The following TMEM132D variants were observed in gnomAD, a reference collection of about 807,000 sequenced individuals.
The protein encoded by TMEM132D is transmembrane protein 132D, also known as mature OL transmembrane protein.
Under a neutral mutation model 62.3 loss-of-function variants are expected in TMEM132D, and 21 were observed. The ratio of observed to expected loss-of-function variants is 0.34; its 90% CI spans 0.24 to 0.49. The LOEUF (loss-of-function observed/expected upper bound fraction) is 0.49. TMEM132D is among the 20% of genes least tolerant of loss of function. The probability of loss-of-function intolerance (pLI) is 0.99; values close to 1 mark genes in which losing one functional copy is unlikely to be tolerated. For missense variants in TMEM132D, 1,346 were observed against 1,402.8 expected, an observed-to-expected ratio of 0.96 and a Z score of 0.65; for synonymous variants, 621 against 575.6, an observed-to-expected ratio of 1.08 and a Z score of -1.13.
intron 3 of TMEM132D, among the ~76,000 whole-genome samples, chr12:129,478,483 C>CA (rs1382962246): frequency 6.6e-6 from 1 of 152,134 alleles, no homozygotes; most frequent in African/African-American, 2.4e-5. Context: ...TATGTAGACT[C>CA]AAGGAATAAA....
chr12:129,407,194 G>A (rs757808191), intron 3 of TMEM132D, among the ~76,000 whole-genome samples: 7 of 152,250 alleles, frequency 4.6e-5, no homozygotes, highest in South Asian at 2.1e-4. Flanking sequence ...AATTACAACC[G>A]CAGGCTAATT....
intron 2 of TMEM132D, chr12:129,682,754 G>A (rs112584771): frequency 3.3e-5 from 5 of 151,524 alleles, no homozygotes; most frequent in Middle Eastern, 3.4e-3. Flanking sequence ...AGCTACTCGG[G>A]AGGCTGAGGC....
At chr12:129,552,313 C>A (rs544463626) in intron 2 of TMEM132D, among the ~76,000 whole-genome samples, 7 of 152,194 alleles carry the variant, frequency 4.6e-5, no homozygotes, top group African/African-American at 1.7e-4. Flanking sequence ...ATCATCAATC[C>A]ATTATCTATA....
chr12:129,151,972 G>A (rs1877087084), intron 5 of TMEM132D, among the ~76,000 whole-genome samples: 1 of 151,260 alleles, frequency 6.6e-6, no homozygotes, highest in Non-Finnish European at 1.5e-5. Context: ...CTCCCTCCTG[G>A]GTTCAAACGA....
At chr12:129,465,303 A>G (rs867778964) in intron 3 of TMEM132D, among the ~76,000 whole-genome samples, 1 of 152,202 alleles carries the variant, frequency 6.6e-6, no homozygotes, top group Admixed American at 6.5e-5. Flanking sequence ...ATCTCAAAAT[A>G]ATAAGAGCTA....
chr12:129,778,188 G>GA (rs56064837), intron 1 of TMEM132D, among the ~76,000 whole-genome samples: 33 of 144,964 alleles, frequency 2.3e-4, no homozygotes, highest in East Asian at 8.1e-4. Flanking sequence ...GAAGGAATCA[G>GA]AAAAAAAAAA....
chr12:129,875,776 G>C (rs1037431344), intron 1 of TMEM132D, among the ~76,000 whole-genome samples: 3 of 152,194 alleles, frequency 2.0e-5, no homozygotes, highest in African/African-American at 7.2e-5. Context: ...ATTTTCGAGA[G>C]ACAGCAGAAA....
chr12:129,168,785 T>A (rs1490123529), intron 5 of TMEM132D, among the ~76,000 whole-genome samples: 1 of 152,174 alleles, frequency 6.6e-6, no homozygotes, highest in Non-Finnish European at 1.5e-5. Flanking sequence ...ACCCAAAAGG[T>A]ATCCAGATAT....
chr12:129,822,599 C>T (rs1025270892), intron 1 of TMEM132D, among the ~76,000 whole-genome samples: 1 of 152,132 alleles, frequency 6.6e-6, no homozygotes, highest in African/African-American at 2.4e-5. Context: ...AAGAAATACC[C>T]GAGACTGGAT....
intron 1 of TMEM132D, among the ~76,000 whole-genome samples, chr12:129,768,570 C>T (rs541674663): frequency 1.8e-3 from 269 of 152,146 alleles, no homozygotes; most frequent in Non-Finnish European, 2.4e-3. Flanking sequence ...AACAGAATCA[C>T]CTCTTCCTCT....
chr12:129,281,620 C>T (rs750487267), intron 4 of TMEM132D, among the ~76,000 whole-genome samples: 1 of 150,588 alleles, frequency 6.6e-6, no homozygotes, highest in African/African-American at 2.4e-5. Context: ...ATCTTCCTGA[C>T]GCCCCCGTAG....
intron 5 of TMEM132D, among the ~76,000 whole-genome samples, chr12:129,198,906 T>C (rs1878616156): frequency 6.6e-6 from 1 of 151,936 alleles, no homozygotes; most frequent in South Asian, 2.1e-4. Context: ...ATATATATAA[T>C]TATAAACTGT....
intron 5 of TMEM132D, among the ~76,000 whole-genome samples, chr12:129,141,329 T>C (rs1335480403): frequency 6.6e-6 from 1 of 152,190 alleles, no homozygotes; most frequent in Non-Finnish European, 1.5e-5. Flanking sequence ...AATTAGACCA[T>C]GTGTCTAATG....
chr12:129,307,446 A>G (rs1339738391), intron 4 of TMEM132D, among the ~76,000 whole-genome samples: 2 of 152,200 alleles, frequency 1.3e-5, no homozygotes, highest in Admixed American at 6.5e-5. Context: ...GGCAGTGAAC[A>G]TATGATTTAA....
Position 129,398,130 on chromosome 12 carries a change from T to C in TMEM132D, c.1116-60313A>G, listed in dbSNP as rs188466302. ...CGTTTGTGGGCAAACTGATATAAAC[T>C]CTGCCCACCTCTGACACTTTTGGCT... On this transcript the variant is annotated intron_variant, in intron 3 of 8. Coordinates refer to ENST00000422113, the MANE Select transcript of TMEM132D (RefSeq NM_133448.3). Among the ~76,000 whole-genome samples, 25 of 152,310 alleles carry C rather than the reference T, an allele frequency of 1.6e-4. No homozygotes were observed. In the East Asian group the frequency reaches 4.6e-3, roughly 28 times the overall value.
chr12:129,266,438 T>C (rs1360076567), intron 4 of TMEM132D, among the ~76,000 whole-genome samples: 2 of 150,470 alleles, frequency 1.3e-5, no homozygotes, highest in African/African-American at 4.9e-5. Context: ...TTCCCCTCTC[T>C]TCCCTTTCTT....
chr12:129,101,013 C>T (rs1489575658), intron 5 of TMEM132D, among the ~76,000 whole-genome samples: 2 of 151,884 alleles, frequency 1.3e-5, no homozygotes, highest in African/African-American at 4.8e-5. Flanking sequence ...CTCTGTGGCA[C>T]CAGTTGATGG....
At chr12:129,084,795 G>A in intron 5 of TMEM132D, 93 bp from the exon 6 acceptor site, 1 of 1,248,998 alleles carries the variant, frequency 8.0e-7, no homozygotes, top group Non-Finnish European at 1.1e-6. Context: ...GCCCTGGCTG[G>A]TGGAGGTGCT....
At chr12:129,140,636 C>T (rs1326102927) in intron 5 of TMEM132D, among the ~76,000 whole-genome samples, 1 of 152,000 alleles carries the variant, frequency 6.6e-6, no homozygotes, top group Non-Finnish European at 1.5e-5. Context: ...ATCAGGAGTT[C>T]GAGACCAGCC....
Sources: gnomAD v4.1 joint callset for allele counts (sites outside exome capture counted in the v4.1 genomes callset) on GRCh38, gnomAD v4.1.1 for gene constraint, MANE v1.5 for transcripts, NCBI Gene and HGNC (gene_info 2026-07-23, HGNC 2026-07-21) for gene names.